Variants in MYO3B observed in about 807,000 individuals in gnomAD.
MYO3B encodes the protein myosin IIIB, also known as myosin-IIIb.
MYO3B carries 156 observed loss-of-function variants against 174.6 expected under a neutral mutation model. That is an observed-to-expected ratio of 0.89 (90% CI 0.78 to 1.02). The LOEUF (loss-of-function observed/expected upper bound fraction) is 1.02, where lower values mean the gene tolerates loss of function less well. Among genes scored for constraint, MYO3B ranks in the 50% least tolerant of loss-of-function variants. The pLI is 0.00. For synonymous variants in MYO3B, 563 were observed against 569.1 expected (o/e 0.99, Z 0.15); for missense variants, 1,632 against 1,639.4 (o/e 1.00, Z 0.08).
chr2:170,341,624 C>G (rs1015845437), intron 8 of MYO3B, among the ~76,000 whole-genome samples: 4 of 152,122 alleles, frequency 2.6e-5, no homozygotes, highest in Non-Finnish European at 5.9e-5. Context: ...AATAAAAACT[C>G]ATGGAGAAGC....
chr2:170,238,346 CTG>C (rs2105303922), intron 7 of MYO3B, among the ~76,000 whole-genome samples: 1 of 152,260 alleles, frequency 6.6e-6, no homozygotes, highest in South Asian at 2.1e-4. Flanking sequence ...CAGTGCCTGT[CTG>C]TCTGTCTGTC....
intron 32 of MYO3B, among the ~76,000 whole-genome samples, chr2:170,571,869 A>G (rs1466027592): frequency 6.6e-6 from 1 of 152,218 alleles, no homozygotes; most frequent in African/African-American, 2.4e-5. Context: ...CTTTTCAACA[A>G]CTTTTTAAGG....
At chr2:170,561,173 G>T (rs1691686734) in intron 32 of MYO3B, among the ~76,000 whole-genome samples, 1 of 152,094 alleles carries the variant, frequency 6.6e-6, no homozygotes. Context: ...TTAACACTGG[G>T]AGGGCACTGG....
intron 6 of MYO3B, among the ~76,000 whole-genome samples, chr2:170,231,072 A>G (rs897915152): frequency 6.6e-6 from 1 of 152,208 alleles, no homozygotes; most frequent in African/African-American, 2.4e-5. Context: ...GCCATCTTCA[A>G]CAGAACACAG....
At chr2:170,359,357 C>G (rs1278521991) in intron 8 of MYO3B, among the ~76,000 whole-genome samples, 1 of 152,196 alleles carries the variant, frequency 6.6e-6, no homozygotes, top group African/African-American at 2.4e-5. Flanking sequence ...CTTTCTATTT[C>G]ATTAATTCAG....
intron 3 of MYO3B, among the ~76,000 whole-genome samples, chr2:170,209,436 G>A (rs1397385265): frequency 3.3e-5 from 5 of 152,144 alleles, no homozygotes; most frequent in Admixed American, 1.3e-4. Flanking sequence ...TTTTCTATGA[G>A]TTCGGTCCAT....
At chr2:170,220,447 G>T (rs6433181) in intron 6 of MYO3B, among the ~76,000 whole-genome samples, 5 of 151,036 alleles carry the variant, frequency 3.3e-5, no homozygotes, top group African/African-American at 1.2e-4. Flanking sequence ...TGGCTAACAC[G>T]GTGAAACCCC....
intron 16 of MYO3B, among the ~76,000 whole-genome samples, chr2:170,399,781 AAAG>A (rs1482283472): frequency 6.6e-6 from 1 of 152,242 alleles, no homozygotes; most frequent in East Asian, 1.9e-4. Flanking sequence ...CTTAAAGAAC[AAAG>A]AAGATTAGTT....
intron 7 of MYO3B, among the ~76,000 whole-genome samples, chr2:170,295,223 C>T (rs2093621942): frequency 6.6e-6 from 1 of 151,574 alleles, no homozygotes; most frequent in South Asian, 2.1e-4. Flanking sequence ...AAAAATTATC[C>T]TGAGACTTTC....
At chr2:170,374,694 T>G (rs577277219) in intron 9 of MYO3B, among the ~76,000 whole-genome samples, 17 of 151,934 alleles carry the variant, frequency 1.1e-4, no homozygotes, top group Admixed American at 9.8e-4. Context: ...TTCTGAGTGC[T>G]TTTTGGAAAG....
intron 8 of MYO3B, among the ~76,000 whole-genome samples, chr2:170,360,894 T>C (rs972053673): frequency 6.6e-6 from 1 of 152,238 alleles, no homozygotes; most frequent in African/African-American, 2.4e-5. Flanking sequence ...AGGCTTGATC[T>C]TGGAATTCTC....
At chr2:170,595,632 T>G (rs117858413) in intron 32 of MYO3B, among the ~76,000 whole-genome samples, 2 of 151,848 alleles carry the variant, frequency 1.3e-5, no homozygotes, top group Non-Finnish European at 2.9e-5. Context: ...AGAGATGGGG[T>G]CTCGTCATGT....
At chr2:170,542,379 A>G (rs919038132) in intron 30 of MYO3B, among the ~76,000 whole-genome samples, 2 of 152,236 alleles carry the variant, frequency 1.3e-5, no homozygotes, top group African/African-American at 4.8e-5. Flanking sequence ...CTTCTTGGTC[A>G]AATTACTGTT....
chr2:170,402,718 G>T, intron 18 of MYO3B, 130 bp from the exon 19 acceptor site: 1 of 732,978 alleles, frequency 1.4e-6, no homozygotes, highest in Non-Finnish European at 2.0e-6. Context: ...CTTAGGGGTG[G>T]CAGGATGCTG....
At chr2:170,570,026 G>A (rs1367030634) in intron 32 of MYO3B, among the ~76,000 whole-genome samples, 2 of 152,078 alleles carry the variant, frequency 1.3e-5, no homozygotes, top group East Asian at 1.9e-4. Flanking sequence ...TTGAACATGA[G>A]CATATTTCAC....
chr2:170,442,209 A>G (rs2094805766), intron 22 of MYO3B, among the ~76,000 whole-genome samples: 2 of 152,276 alleles, frequency 1.3e-5, no homozygotes, highest in South Asian at 2.1e-4. Context: ...CCTGATTTCA[A>G]CAGTAGCTCT....
chr2:170,205,142 T>C (rs1288762064), intron 3 of MYO3B, among the ~76,000 whole-genome samples: 36 of 152,220 alleles, frequency 2.4e-4, no homozygotes, highest in Admixed American at 2.4e-3. Flanking sequence ...AAGCACTGGC[T>C]GGGTAAGATT....
intron 32 of MYO3B, among the ~76,000 whole-genome samples, chr2:170,585,597 C>T (rs1453597359): frequency 1.3e-5 from 2 of 152,154 alleles, no homozygotes; most frequent in African/African-American, 4.8e-5. Flanking sequence ...CTTGTGAGAT[C>T]TGTGAGATGA....
chr2:170,204,869 T>C (rs1435715088), intron 3 of MYO3B, among the ~76,000 whole-genome samples: 1 of 150,326 alleles, frequency 6.7e-6, no homozygotes, highest in Non-Finnish European at 1.5e-5. Flanking sequence ...AATTCTTTGT[T>C]ATGCTTTTAA....
Sources: gnomAD v4.1 joint callset for allele counts (sites outside exome capture counted in the v4.1 genomes callset) on GRCh38, gnomAD v4.1.1 for gene constraint, MANE v1.5 for transcripts, NCBI Gene and HGNC (gene_info 2026-07-23, HGNC 2026-07-21) for gene names.